BICDL2: variants seen among roughly 807,000 people sequenced by gnomAD.
BICDL2 encodes the protein BICD family-like cargo adapter 2.
In BICDL2, 62 loss-of-function variants were observed where a neutral mutation model predicts 56.6. The ratio of observed to expected loss-of-function variants is 1.10; its 90% confidence interval spans 0.89 to 1.35. BICDL2 has a LOEUF of 1.35. BICDL2 is among the 40% of genes most tolerant of loss of function. BICDL2 has a pLI of 0.00. For synonymous variants in BICDL2, 358 were observed against 319.8 expected, an observed-to-expected ratio of 1.12 and a Z score of -1.27; for missense variants, 808 against 684.5, an observed-to-expected ratio of 1.18 and a Z score of -2.01.
At chr16:3,033,529 C>T (rs1955685472) in intron 2 of BICDL2, among the ~76,000 whole-genome samples, 1 of 152,032 alleles carries the variant, frequency 6.6e-6, no homozygotes, top group African/African-American at 2.4e-5. Context: ...ACCTGTAATC[C>T]CAACACTTTG....
intron 1 of BICDL2, 137 bp from the exon 2 acceptor site, chr16:3,035,663 C>T (rs1955724923): frequency 5.4e-6 from 4 of 747,254 alleles, no homozygotes; most frequent in African/African-American, 1.8e-5. Flanking sequence ...GGTTAATGAC[C>T]TGTGTTTTGG....
At position 3,029,677 on chromosome 16, in the gene BICDL2, G is replaced by A. The variant is rs1955623934; in HGVS notation, c.825C>T (p.Arg275=). ...GTGACTCCTCCTCCAGCTCGGAGAC[G>A]CGCCGCTGCAGCCTCCGCAGCGCAC... ...ALSALRRLQR[R]VSELEEESRL... is the part of the protein sequence containing the mutation. The change falls in exon 6 of 10, where the codon CGC becomes CGT. Residue 275 remains arginine (R), a synonymous_variant. Coordinates refer to ENST00000572449, the MANE Select transcript of BICDL2 (RefSeq NM_001369667.1). 6.5e-7 allele frequency: 1 copy of A among 1,539,796 alleles called. No homozygotes were observed. Among genetic ancestry groups the A allele is most frequent in the Non-Finnish European group, 8.7e-7 (1 of 1,148,642 alleles).
In BICDL2 at chr16:3,029,692, C is replaced by A. The variant is rs749605171; in HGVS notation, c.810G>T (p.Arg270=). The A allele has an allele frequency of 1.3e-6, 2 of 1,541,264 alleles. No individual in the cohort carries two copies. The highest frequency in any genetic ancestry group is 2.7e-5 in the African/African-American group (2 of 73,184). Residue 270 remains arginine (R), a synonymous_variant, in exon 6 of 10, where the codon CGG becomes CGT. Coordinates refer to ENST00000572449, the MANE Select transcript of BICDL2 (RefSeq NM_001369667.1). The part of the protein sequence containing the change: ...SEAGEALSAL[R]RLQRRVSELE... ...GCTCGGAGACGCGCCGCTGCAGCCT[C>A]CGCAGCGCACTCAGCGCCTCCCCAG...
chr16:3,029,948 A>C (rs894611547), intron 5 of BICDL2: 4 of 539,086 alleles, frequency 7.4e-6, no homozygotes, highest in African/African-American at 6.1e-5. Flanking sequence ...GCAGGGCCGC[A>C]CCTCGAAGAG....
Position 3,029,447 on chromosome 16 carries a change from G to C in BICDL2, c.958-18C>G. The C allele has an allele frequency of 6.3e-7, 1 of 1,596,414 alleles. No homozygotes were observed. Among genetic ancestry groups the C allele is most frequent in the Non-Finnish European group, 8.5e-7 (1 of 1,175,524 alleles). The stretch of plus-strand genomic sequence containing the variant: ...CGGGTGGTCTGTGGGCCAAAGAAAT[G>C]GGTTAGTGGTGTGGAGTTTATTGGG... On this transcript the variant is annotated intron_variant, in intron 6 of 9. Coordinates refer to ENST00000572449, the MANE Select transcript of BICDL2 (RefSeq NM_001369667.1).
intron 1 of BICDL2, 137 bp from the exon 2 acceptor site, chr16:3,035,663 C>G: frequency 1.3e-6 from 1 of 747,254 alleles, no homozygotes; most frequent in East Asian, 2.7e-5. Flanking sequence ...GGTTAATGAC[C>G]TGTGTTTTGG....
Position 3,028,107 on chromosome 16 carries a change from C to G in BICDL2, c.1526G>C (p.Ter509SerextTer71). 2 of 1,425,608 alleles carry G rather than the reference C, an allele frequency of 1.4e-6. No individual in the cohort carries two copies. Among genetic ancestry groups the G allele is most frequent in the Non-Finnish European group, 1.8e-6 (2 of 1,094,914 alleles). 88.3% of individuals were successfully genotyped at this position (1,425,608 alleles called of 1,614,324 possible). The stretch of plus-strand genomic sequence containing the variant: ...AGGGCAGCCCTCTGGGCCCAGCCGT[C>G]AGGTCCTTCGGAAGAGGTTACTGAG... ...GFLSNLFRRT[*>S] is the part of the protein sequence containing the mutation. Residue 509 changes from the stop codon to serine (S), a stop_lost, in exon 10 of 10, where the codon TGA (stop) becomes TCA (serine). Transcript: ENST00000572449.
Position 3,028,697 on chromosome 16 carries a change from T to C in BICDL2, c.1238+3A>G. On this transcript the variant is annotated splice_donor_region_variant and intron_variant, in intron 8 of 9. Transcript: ENST00000572449. ...GGGCGGTGGTCAATGGCTTGAGGCT[T>C]ACTTGTTCACGGCCTCGTCCCGGTC... The C allele has an allele frequency of 6.4e-7, 1 of 1,570,314 alleles. No homozygotes were observed. The highest frequency in any genetic ancestry group is 8.6e-7 in the Non-Finnish European group (1 of 1,157,744).
chr16:3,028,524 G>A, intron 8 of BICDL2, 56 bp from the exon 9 acceptor site: 1 of 1,553,452 alleles, frequency 6.4e-7, no homozygotes. Context: ...CAGGGAGCCG[G>A]GGTGGCGGGG....
Position 3,029,712 on chromosome 16 carries a change from C to A in BICDL2, c.790G>T (p.Glu264Ter). The change falls in exon 6 of 10, where the codon GAG becomes TAG. Residue 264 changes from glutamate (E) to a stop codon, truncating the protein, a stop_gained. Transcript: ENST00000572449. LOFTEE classifies it high-confidence loss of function. ...AGCCTCCGCAGCGCACTCAGCGCCT[C>A]CCCAGCCTCTGACCGTGCGCGTTCC... ...ELERARSEAGEALSALRRLQR... is the reference protein window; with the variant it reads ...ELERARSEAG 1 of 1,540,300 alleles carries A rather than the reference C, an allele frequency of 6.5e-7. No individual in the cohort carries two copies. The highest frequency in any genetic ancestry group is 1.2e-5 in the South Asian group (1 of 84,560).
At chr16:3,028,953 G>T in intron 7 of BICDL2, 123 bp from the exon 8 acceptor site, 1 of 1,316,868 alleles carries the variant, frequency 7.6e-7, no homozygotes, top group Non-Finnish European at 1.0e-6. Context: ...CCAGGCAGCC[G>T]TGGCCCTGTG....
Position 3,029,731 on chromosome 16 carries a change from G to T in BICDL2, c.771C>A (p.Arg257=), listed in dbSNP as rs773006581. 31 of 1,528,150 alleles carry T rather than the reference G, an allele frequency of 2.0e-5. No individual in the cohort carries two copies. Among genetic ancestry groups the T allele is most frequent in the South Asian group, 6.0e-5 (5 of 83,384 alleles). 94.7% of individuals were successfully genotyped at this position (1,528,150 alleles called of 1,614,324 possible). The change falls in exon 6 of 10, where the codon CGC becomes CGA. Residue 257 remains arginine, a synonymous_variant. Coordinates refer to ENST00000572449, the MANE Select transcript of BICDL2 (RefSeq NM_001369667.1). ...GCGCCTCCCCAGCCTCTGACCGTGC[G>T]CGTTCCAGCTGTGGACGGTCCCGCA... The part of the protein sequence containing the change: ...ERREHSLELE[R]ARSEAGEALS...
chr16:3,028,505 C>A, intron 8 of BICDL2, 37 bp from the exon 9 acceptor site: 1 of 1,566,736 alleles, frequency 6.4e-7, no homozygotes, highest in South Asian at 1.2e-5. Context: ...TTTGAGGGCG[C>A]TAGGGCCTCA....
chr16:3,029,530 G>GC lies in BICDL2; in HGVS notation c.957+14dup, dbSNP rs749268919. 4.7e-4 allele frequency: 732 copies of GC among 1,555,662 alleles called. 3 individuals carry two copies. Among genetic ancestry groups the GC allele is most frequent in the Middle Eastern group, 1.5e-3 (9 of 5,994 alleles). On this transcript the variant is annotated intron_variant, in intron 6 of 9. Coordinates refer to ENST00000572449, the MANE Select transcript of BICDL2 (RefSeq NM_001369667.1). ...CGATGGCACAGGTAAGGGGGCTGGG[G>GC]CCCCACGAGCTCACCGGGGTGTCTC... is the stretch of plus-strand genomic sequence containing the variant.
At chr16:3,035,970 T>C in intron 1 of BICDL2, 1 of 312,650 alleles carries the variant, frequency 3.2e-6, no homozygotes, top group South Asian at 2.6e-5. Context: ...GCTTGGGAAC[T>C]GAGGTATCTT....
At position 3,031,381 on chromosome 16, in the gene BICDL2, G is replaced by T; in HGVS notation, c.283-231C>A. ...ACGCGTGGGCCCGGGGCAAGGGTTGGGGTGGGGGGATCTCTGATGACCACT... is the reference window on the plus strand; with the variant it reads ...ACGCGTGGGCCCGGGGCAAGGGTTGTGGTGGGGGGATCTCTGATGACCACT... On this transcript the variant is annotated intron_variant, in intron 2 of 9. Transcript: ENST00000572449. 3 of 577,442 alleles carry T rather than the reference G, an allele frequency of 5.2e-6. No individual in the cohort carries two copies. The South Asian group carries it at 6.7e-5, about 13-fold the overall frequency. The allele number at this position is 577,442 out of a possible 1,614,324, so 35.8% of individuals were successfully genotyped here. A position where few individuals can be genotyped will look rare whatever the true frequency, so the allele number is the denominator to read the frequency against.
chr16:3,035,131 C>A lies in BICDL2; in HGVS notation c.282+84G>T, dbSNP rs1253705686. On this transcript the variant is annotated intron_variant, in intron 2 of 9. Coordinates refer to ENST00000572449, the MANE Select transcript of BICDL2 (RefSeq NM_001369667.1). The stretch of plus-strand genomic sequence containing the variant: ...CCCCAGCTCCTCTCTCCTTCCCTTG[C>A]CTGACTCCCTTCCCTTGTCCTCTCC... 8.7e-6 allele frequency: 11 copies of A among 1,266,964 alleles called. No individual in the cohort carries two copies. The African/African-American group carries it at 1.4e-4, about 16-fold the overall frequency. 78.5% of individuals were successfully genotyped at this position (1,266,964 alleles called of 1,614,324 possible). A position where few individuals can be genotyped will look rare whatever the true frequency, so the allele number is the denominator to read the frequency against.
Position 3,029,442 on chromosome 16 carries a change from G to A in BICDL2, c.958-13C>T. ...GGGACCGGGTGGTCTGTGGGCCAAA[G>A]AAATGGGTTAGTGGTGTGGAGTTTA... is the stretch of plus-strand genomic sequence containing the variant. On this transcript the variant is annotated splice_polypyrimidine_tract_variant and intron_variant, in intron 6 of 9. Coordinates refer to ENST00000572449, the MANE Select transcript of BICDL2 (RefSeq NM_001369667.1). 6.3e-7 allele frequency: 1 copy of A among 1,599,900 alleles called. No individual in the cohort carries two copies. The highest frequency in any genetic ancestry group is 8.5e-7 in the Non-Finnish European group (1 of 1,177,014).
Position 3,029,391 on chromosome 16 carries a change from G to C in BICDL2, c.996C>G (p.Pro332=). Residue 332 remains proline (P), a synonymous_variant, in exon 7 of 10, where the codon CCC becomes CCG. Coordinates refer to ENST00000572449, the MANE Select transcript of BICDL2 (RefSeq NM_001369667.1). ...AGATCTCTTCCGGGGGTGAAGGCTG[G>C]GGGCTGGACGCCTTTCGGGTCTTTG... The part of the protein sequence containing the change: ...RSPKTRKASS[P]QPSPPEEILE... The C allele has an allele frequency of 6.2e-7, 1 of 1,608,986 alleles. No homozygotes were observed. The highest frequency in any genetic ancestry group is 8.5e-7 in the Non-Finnish European group (1 of 1,179,462).
Sources: gnomAD v4.1 joint callset for allele counts (sites outside exome capture counted in the v4.1 genomes callset) on GRCh38, gnomAD v4.1.1 for gene constraint, MANE v1.5 for transcripts, NCBI Gene and HGNC (gene_info 2026-07-23, HGNC 2026-07-21) for gene names.